CDH20: variants seen among roughly 807,000 people sequenced by gnomAD.
CDH20 encodes the protein cadherin 20, also known as cadherin-20.
A neutral mutation model predicts 74.2 loss-of-function variants in CDH20; 29 were observed. The ratio of observed to expected loss-of-function variants is 0.39; its 90% CI spans 0.29 to 0.53. The LOEUF is 0.53. CDH20 is among the 20% of genes least tolerant of loss of function. The probability of loss-of-function intolerance (pLI) is 0.69; values close to 1 mark genes in which losing one functional copy is unlikely to be tolerated. For missense variants in CDH20, 988 were observed against 1,048.3 expected, an observed-to-expected ratio of 0.94 and a Z score of 0.79; for synonymous variants, 469 against 405.4, an observed-to-expected ratio of 1.16 and a Z score of -1.88.
chr18:61,425,775 G>A (rs149664223), intron 1 of CDH20, among the ~76,000 whole-genome samples: 65 of 152,120 alleles, frequency 4.3e-4, no homozygotes, highest in African/African-American at 1.3e-3. Context: ...ACGGATACAC[G>A]AAAAACCTCA....
chr18:61,464,289 AAG>A (rs1909886415), intron 1 of CDH20, among the ~76,000 whole-genome samples: 1 of 151,920 alleles, frequency 6.6e-6, no homozygotes, highest in South Asian at 2.1e-4. Flanking sequence ...CTGAGGGAAA[AAG>A]AGTTTGGTGG....
intron 6 of CDH20, among the ~76,000 whole-genome samples, chr18:61,517,379 G>T (rs1438388104): frequency 1.3e-5 from 2 of 152,206 alleles, no homozygotes; most frequent in Admixed American, 6.5e-5. Flanking sequence ...ATTTCCATCT[G>T]AGGTACCCGG....
intron 1 of CDH20, among the ~76,000 whole-genome samples, chr18:61,411,169 G>T (rs942570969): frequency 6.7e-6 from 1 of 150,260 alleles, no homozygotes; most frequent in Non-Finnish European, 1.5e-5. Flanking sequence ...CTGCACTCCC[G>T]CCTGGGTGAC....
chr18:61,507,288 G>C (rs1029830295), intron 5 of CDH20, 85 bp from the exon 6 acceptor site: 1 of 1,248,220 alleles, frequency 8.0e-7, no homozygotes, highest in African/African-American at 1.5e-5. Context: ...AAGATATTTT[G>C]CACAGCACTC....
intron 1 of CDH20, among the ~76,000 whole-genome samples, chr18:61,472,512 C>A (rs904789873): frequency 6.6e-6 from 1 of 152,158 alleles, no homozygotes; most frequent in African/African-American, 2.4e-5. Flanking sequence ...CACTCAGGGG[C>A]AAGCTCGGGA....
intron 1 of CDH20, among the ~76,000 whole-genome samples, chr18:61,405,761 G>T (rs116537491): frequency 1.3e-5 from 2 of 152,324 alleles, no homozygotes; most frequent in African/African-American, 4.8e-5. Flanking sequence ...AAGGCCTACA[G>T]AATCTGAAAC....
chr18:61,351,882 T>G (rs1188348207), intron 1 of CDH20, among the ~76,000 whole-genome samples: 1 of 152,188 alleles, frequency 6.6e-6, no homozygotes. Flanking sequence ...CATGTTGAGT[T>G]ACAATTATCA....
At chr18:61,376,529 T>C (rs1568116587) in intron 1 of CDH20, among the ~76,000 whole-genome samples, 1 of 152,128 alleles carries the variant, frequency 6.6e-6, no homozygotes, top group Non-Finnish European at 1.5e-5. Flanking sequence ...AAAGTTGCCT[T>C]TTATTGGACT....
rs1331092959 is a variant in CDH20, at chr18:61,554,653, C to T, written c.2364C>T (p.Ala788=). ...GGGGGCCCCGCTTCCGGAAGCTGGC[C>T]GAGCTCTACGGGGCGTCGGAGGGAC... ...TDWGPRFRKL[A]ELYGASEGPA... Residue 788 remains alanine, a synonymous_variant, in exon 12 of 12, where the codon GCC becomes GCT. Transcript: ENST00000262717. The T allele has an allele frequency of 5.0e-6, 8 of 1,596,686 alleles. No homozygotes were observed. The East Asian group carries it at 1.8e-4, about 36-fold the overall frequency.
intron 1 of CDH20, among the ~76,000 whole-genome samples, chr18:61,394,915 T>G (rs1911914973): frequency 6.6e-6 from 1 of 151,852 alleles, no homozygotes; most frequent in African/African-American, 2.4e-5. Context: ...TTCTCCACCT[T>G]TTCTTAGAAT....
chr18:61,535,048 G>T (rs1442316360), intron 7 of CDH20, among the ~76,000 whole-genome samples: 4 of 152,068 alleles, frequency 2.6e-5, no homozygotes, highest in Non-Finnish European at 5.9e-5. Context: ...GGACACGGTG[G>T]CTCACACCTG....
intron 8 of CDH20, 46 bp downstream of exon 8, chr18:61,536,675 G>A (rs780053551): frequency 1.9e-6 from 3 of 1,558,072 alleles, no homozygotes; most frequent in Non-Finnish European, 2.6e-6. Context: ...CAAAATATAG[G>A]TGTTATAGAA....
chr18:61,502,945 T>C lies in CDH20; in HGVS notation c.662-8T>C, dbSNP rs1226440962. The C allele has an allele frequency of 1.3e-6, 2 of 1,585,998 alleles. No individual in the cohort carries two copies. Among genetic ancestry groups the C allele is most frequent in the Non-Finnish European group, 8.6e-7 (1 of 1,168,870 alleles). On this transcript the variant is annotated splice_polypyrimidine_tract_variant and splice_region_variant and intron_variant, in intron 4 of 11. Coordinates refer to ENST00000262717, the MANE Select transcript of CDH20 (RefSeq NM_031891.4). Reference sequence around the variant, plus strand: ...ATTTTTATAAACAAAGTCATTTCTATCCTCCAGGTGTAATTAGGACAGCGC... The same window carrying C: ...ATTTTTATAAACAAAGTCATTTCTACCCTCCAGGTGTAATTAGGACAGCGC...
At chr18:61,432,995 G>C (rs1908703754) in intron 1 of CDH20, among the ~76,000 whole-genome samples, 2 of 152,122 alleles carry the variant, frequency 1.3e-5, no homozygotes, top group Non-Finnish European at 2.9e-5. Flanking sequence ...ACATTTTAAT[G>C]TATCTTTCCC....
At chr18:61,553,843 G>A (rs1419280004) in intron 11 of CDH20, among the ~76,000 whole-genome samples, 2 of 152,130 alleles carry the variant, frequency 1.3e-5, no homozygotes, top group Admixed American at 6.5e-5. Flanking sequence ...AGAGTATGTT[G>A]GTCCATAGCA....
intron 1 of CDH20, among the ~76,000 whole-genome samples, chr18:61,444,235 C>T (rs1404773025): frequency 1.3e-5 from 2 of 152,028 alleles, no homozygotes; most frequent in African/African-American, 4.8e-5. Flanking sequence ...GTATCTAATA[C>T]ATAGTAGATA....
At chr18:61,355,257 GCT>G (rs1491428770) in intron 1 of CDH20, among the ~76,000 whole-genome samples, 1 of 152,050 alleles carries the variant, frequency 6.6e-6, no homozygotes, top group Non-Finnish European at 1.5e-5. Flanking sequence ...AACCAATGTA[GCT>G]TTTTTTTCTT....
chr18:61,505,924 C>T (rs1911544993), intron 5 of CDH20, among the ~76,000 whole-genome samples: 1 of 152,118 alleles, frequency 6.6e-6, no homozygotes, highest in Non-Finnish European at 1.5e-5. Flanking sequence ...TTCCATAAAC[C>T]TATCTTGGCT....
chr18:61,530,074 G>A (rs938745364), intron 7 of CDH20, among the ~76,000 whole-genome samples: 1 of 152,196 alleles, frequency 6.6e-6, no homozygotes, highest in African/African-American at 2.4e-5. Context: ...AATAAGACAC[G>A]GCTCAGGCAC....
Sources: allele counts gnomAD v4.1 joint callset (sites outside exome capture counted in the v4.1 genomes callset), GRCh38; gene constraint gnomAD v4.1.1; transcripts MANE v1.5; gene names NCBI Gene and HGNC (gene_info 2026-07-23, HGNC 2026-07-21).